PRKG1: variants seen among roughly 807,000 people sequenced by gnomAD.
PRKG1 encodes the protein cGMP-dependent protein kinase 1.
In PRKG1, 35 loss-of-function variants were observed where a neutral mutation model predicts 88.1. The observed-to-expected ratio is 0.40, with a 90% CI of 0.30 to 0.53. The LOEUF (loss-of-function observed/expected upper bound fraction) is 0.53, where lower values mean the gene tolerates loss of function less well. PRKG1 is among the 20% of genes least tolerant of loss of function. PRKG1 has a pLI of 0.59. For synonymous variants in PRKG1, 303 were observed against 292.5 expected (o/e 1.04, Z -0.37); for missense variants, 540 against 839.8 (o/e 0.64, Z 4.41).
chr10:51,804,732 T>A (rs747477356), intron 4 of PRKG1, 42 bp downstream of exon 4: 1 of 1,386,478 alleles, frequency 7.2e-7, no homozygotes, highest in Non-Finnish European at 1.0e-6. Flanking sequence ...TTTACTTTCC[T>A]TTTAGCCCTA....
At chr10:51,784,902 A>G (rs1030526847) in intron 3 of PRKG1, among the ~76,000 whole-genome samples, 2 of 152,090 alleles carry the variant, frequency 1.3e-5, no homozygotes, top group African/African-American at 4.8e-5. Context: ...GTGTATTATT[A>G]ATGGAAAAAG....
chr10:51,406,057 CCTCT>C (rs1170909246), intron 2 of PRKG1, among the ~76,000 whole-genome samples: 2 of 152,144 alleles, frequency 1.3e-5, no homozygotes, highest in Admixed American at 1.3e-4. Flanking sequence ...TCTCTGCCTT[CCTCT>C]CTCTGCAGCG....
chr10:51,187,232 A>T (rs1837515679), intron 2 of PRKG1, among the ~76,000 whole-genome samples: 1 of 151,788 alleles, frequency 6.6e-6, no homozygotes, highest in Non-Finnish European at 1.5e-5. Flanking sequence ...GTTCACTGTT[A>T]AAGTTTTAGC....
intron 3 of PRKG1, among the ~76,000 whole-genome samples, chr10:51,538,962 A>G (rs1487105167): frequency 1.3e-5 from 2 of 152,094 alleles, no homozygotes; most frequent in Admixed American, 1.3e-4. Context: ...AATAGATTTT[A>G]TATATGTGTA....
chr10:51,294,230 C>T (rs914987666), intron 2 of PRKG1, among the ~76,000 whole-genome samples: 1 of 152,036 alleles, frequency 6.6e-6, no homozygotes, highest in African/African-American at 2.4e-5. Flanking sequence ...GATGCATTCT[C>T]ACTTGTATAT....
intron 2 of PRKG1, among the ~76,000 whole-genome samples, chr10:51,181,233 T>TTTC (rs1245723664): frequency 7.8e-6 from 1 of 128,506 alleles, no homozygotes; most frequent in Non-Finnish European, 1.7e-5. Context: ...AATTTTTTTT[T>TTTC]TTTTTTTTTT....
chr10:51,998,627 G>T (rs982951312), intron 5 of PRKG1, among the ~76,000 whole-genome samples: 2 of 152,062 alleles, frequency 1.3e-5, no homozygotes, highest in Non-Finnish European at 2.9e-5. Flanking sequence ...AGAACCTGAA[G>T]CATATATACC....
intron 5 of PRKG1, among the ~76,000 whole-genome samples, chr10:52,017,112 A>G (rs1338396207): frequency 6.6e-6 from 1 of 152,184 alleles, no homozygotes; most frequent in Non-Finnish European, 1.5e-5. Context: ...TAAGAGATTA[A>G]AATGTATTTT....
chr10:51,191,352 C>T (rs1837625899), intron 2 of PRKG1, among the ~76,000 whole-genome samples: 1 of 151,788 alleles, frequency 6.6e-6, no homozygotes, highest in Non-Finnish European at 1.5e-5. Context: ...AATTATATAA[C>T]TTCTAAGCCT....
At chr10:52,120,314 A>C (rs1194218179) in intron 7 of PRKG1, among the ~76,000 whole-genome samples, 1 of 152,110 alleles carries the variant, frequency 6.6e-6, no homozygotes, top group Non-Finnish European at 1.5e-5. Flanking sequence ...GCCTCTCCAA[A>C]TTTACATCCT....
chr10:51,905,263 G>A (rs979039603), intron 4 of PRKG1, among the ~76,000 whole-genome samples: 1 of 152,066 alleles, frequency 6.6e-6, no homozygotes. Context: ...CAGTAAATCT[G>A]GTGCAACAGA....
In PRKG1 at chr10:52,297,579, T is replaced by G. The variant is rs1842407683; in HGVS notation, c.*3679T>G. ...TGTACCAGAGCTGTGTATCTGTTAA[T>G]GAGATACAGCGTCATTTCTGTGAAA... On this transcript the variant is annotated 3_prime_UTR_variant, in exon 18 of 18. Transcript: ENST00000373980. 1 of 152,180 alleles carries G rather than the reference T, an allele frequency of 6.6e-6. No individual in the cohort carries two copies. The highest frequency in any genetic ancestry group is 2.1e-4 in the South Asian group (1 of 4,836). The allele number at this position is 152,180 out of a possible 1,614,324, so 9.4% of individuals were successfully genotyped here. A position where few individuals can be genotyped will look rare whatever the true frequency, so the allele number is the denominator to read the frequency against.
intron 2 of PRKG1, among the ~76,000 whole-genome samples, chr10:51,305,192 G>A (rs1032989070): frequency 1.3e-5 from 2 of 152,130 alleles, no homozygotes; most frequent in African/African-American, 4.8e-5. Context: ...CAATAGCTAT[G>A]AGACTGCTAC....
intron 3 of PRKG1, among the ~76,000 whole-genome samples, chr10:51,626,495 T>C (rs1178421923): frequency 2.6e-5 from 4 of 152,322 alleles, no homozygotes; most frequent in African/African-American, 9.6e-5. Context: ...TTTGAAATCC[T>C]AGGGGGAATT....
chr10:52,089,968 C>G (rs1263533698), intron 7 of PRKG1, among the ~76,000 whole-genome samples: 1 of 151,918 alleles, frequency 6.6e-6, no homozygotes, highest in African/African-American at 2.4e-5. Flanking sequence ...GCATGTGCCA[C>G]CATGCCTAGC....
At chr10:51,353,205 C>G (rs1842291324) in intron 2 of PRKG1, among the ~76,000 whole-genome samples, 1 of 151,988 alleles carries the variant, frequency 6.6e-6, no homozygotes, top group Non-Finnish European at 1.5e-5. Flanking sequence ...CAAGAAAACA[C>G]TGGGGAAACT....
At position 51,731,153 on chromosome 10, in the gene PRKG1, C is replaced by CAACA. The variant is rs545948349; in HGVS notation, c.593-73409_593-73406dup. Among the ~76,000 whole-genome samples, 287 of 152,042 alleles carry CAACA rather than the reference C, an allele frequency of 1.9e-3. 1 individual carries two copies. Among genetic ancestry groups the CAACA allele is most frequent in the Middle Eastern group, 6.8e-3 (2 of 294 alleles). ...GGTGAGGCTCAGTCTCAAAGAAAAA[C>CAACA]AACAAACAAACAAACAAACAAACAA... On this transcript the variant is annotated intron_variant, in intron 3 of 17. Transcript: ENST00000373980.
intron 1 of PRKG1, among the ~76,000 whole-genome samples, chr10:51,121,268 G>A (rs969985050): frequency 3.3e-5 from 5 of 152,144 alleles, no homozygotes; most frequent in South Asian, 2.1e-4. Flanking sequence ...CTGAGAATCC[G>A]AAAGTGGACA....
At chr10:52,293,378 C>G (rs916192790) in intron 17 of PRKG1, among the ~76,000 whole-genome samples, 4 of 151,418 alleles carry the variant, frequency 2.6e-5, no homozygotes, top group Admixed American at 6.6e-5. Flanking sequence ...ATCAAGCTAC[C>G]AATGACTTTC....
Sources: gnomAD v4.1 joint callset for allele counts (sites outside exome capture counted in the v4.1 genomes callset) on GRCh38, gnomAD v4.1.1 for gene constraint, MANE v1.5 for transcripts, NCBI Gene and HGNC (gene_info 2026-07-23, HGNC 2026-07-21) for gene names.